CCNF: variants seen among roughly 807,000 people sequenced by gnomAD.
CCNF encodes the protein cyclin-F.
In CCNF, 30 loss-of-function variants were observed where a neutral mutation model predicts 85.4. The ratio of observed to expected loss-of-function variants is 0.35; its 90% CI spans 0.26 to 0.48. The LOEUF (loss-of-function observed/expected upper bound fraction) is 0.48, where lower values mean the gene tolerates loss of function less well. CCNF is among the 20% of genes least tolerant of loss of function. The pLI, the probability that CCNF is intolerant of heterozygous loss-of-function variation, is 0.99. For missense variants in CCNF, 919 were observed against 1,010.4 expected (o/e 0.91, Z 1.23); for synonymous variants, 439 against 425.1 (o/e 1.03, Z -0.40).
At position 2,453,536 on chromosome 16, in the gene CCNF, C is replaced by A; in HGVS notation, c.1714C>A (p.Arg572=). Residue 572 remains arginine (R), a splice_region_variant and synonymous_variant, in exon 15 of 17, where the codon CGG becomes AGG. Coordinates refer to ENST00000397066, the MANE Select transcript of CCNF (RefSeq NM_001761.3). The surrounding 1 kb of genome is among the most constrained non-coding windows in gnomAD (Gnocchi z 5.6). ...LSSPSGRRTK[R]KRENSLQEDR... ...CTCTCCCTCGGGGCGGAGAACCAAACGGTTAGTTACCCTGCGTTCTGGCTG... is the reference window on the plus strand; with the variant it reads ...CTCTCCCTCGGGGCGGAGAACCAAAAGGTTAGTTACCCTGCGTTCTGGCTG... 2 of 1,613,958 alleles carry A rather than the reference C, an allele frequency of 1.2e-6. No individual in the cohort carries two copies. The highest frequency in any genetic ancestry group is 1.3e-5 in the African/African-American group (1 of 75,058).
chr16:2,446,487 C>G (rs1429645032), intron 10 of CCNF, among the ~76,000 whole-genome samples: 1 of 152,254 alleles, frequency 6.6e-6, no homozygotes, highest in East Asian at 1.9e-4. Context: ...TTTCCTTTAA[C>G]TAATGCTGGA....
intron 6 of CCNF, 110 bp downstream of exon 6, chr16:2,438,233 C>A: frequency 1.2e-6 from 1 of 855,246 alleles, no homozygotes. Flanking sequence ...AAACAAAAGG[C>A]AAGCCTTGCC....
In CCNF at chr16:2,456,365, G is replaced by A. The variant is rs1354986280; in HGVS notation, c.1886-180G>A. On this transcript the variant is annotated intron_variant, in intron 16 of 16. Coordinates refer to ENST00000397066, the MANE Select transcript of CCNF (RefSeq NM_001761.3). This position sits in a 1 kb window ranked among gnomAD's most constrained non-coding sequence, Gnocchi z 4.5. The stretch of plus-strand genomic sequence containing the variant: ...TCTCCACATTTGTTGGAGTCATGGC[G>A]GGCAGCTGTCCAACTTGGAAGAGGC... 1.7e-5 allele frequency: 8 copies of A among 475,618 alleles called. No homozygotes were observed. Among genetic ancestry groups the A allele is most frequent in the African/African-American group, 5.9e-5 (3 of 51,040 alleles). 29.5% of individuals were successfully genotyped at this position (475,618 alleles called of 1,614,324 possible).
chr16:2,438,784 G>A (rs1034901805), intron 6 of CCNF, among the ~76,000 whole-genome samples: 2 of 151,440 alleles, frequency 1.3e-5, no homozygotes, highest in African/African-American at 4.9e-5. Flanking sequence ...ATCACCTGAG[G>A]TCAGGAGTTT....
intron 10 of CCNF, among the ~76,000 whole-genome samples, chr16:2,448,141 T>G (rs2065372382): frequency 6.6e-6 from 1 of 152,230 alleles, no homozygotes; most frequent in African/African-American, 2.4e-5. Flanking sequence ...GCACAGACTT[T>G]CCAACAACCC....
rs374120930 is a variant in CCNF at position 2,453,283 on chromosome 16, C to T, written c.1561C>T (p.Arg521Cys). ...TAVKQRFEDK[R>C]YGEISQEEVL... ...CGTGAAGCAGCGGTTTGAGGACAAG[C>T]GCTATGGAGAAATCAGCCAGGAAGA... The change falls in exon 14 of 17, where the codon CGC becomes TGC. Residue 521 changes from arginine to cysteine, a missense_variant. By Grantham distance (180) the Arg-to-Cys change is radical. Transcript: ENST00000397066. The surrounding 1 kb of genome is among the most constrained non-coding windows in gnomAD (Gnocchi z 5.6). 1.9e-5 allele frequency: 31 copies of T among 1,613,768 alleles called. No individual in the cohort carries two copies. In the African/African-American group the frequency reaches 2.0e-4, roughly 10 times the overall value.
intron 6 of CCNF, among the ~76,000 whole-genome samples, chr16:2,438,456 A>G (rs1165442761): frequency 2.0e-5 from 3 of 152,122 alleles, no homozygotes; most frequent in African/African-American, 7.2e-5. Flanking sequence ...CCTGGCCAAA[A>G]TGGTGAAACC....
chr16:2,435,170 G>T (rs2065281775), intron 3 of CCNF, among the ~76,000 whole-genome samples: 1 of 149,196 alleles, frequency 6.7e-6, no homozygotes, highest in African/African-American at 2.5e-5. Flanking sequence ...AGAATGGTGT[G>T]AACCTGGGAG....
At chr16:2,434,512 G>A (rs1008534009) in intron 3 of CCNF, among the ~76,000 whole-genome samples, 1 of 152,164 alleles carries the variant, frequency 6.6e-6, no homozygotes, top group African/African-American at 2.4e-5. Flanking sequence ...TCAGGAGGCT[G>A]AGGCAGGAGA....
At chr16:2,450,839 A>G (rs2065390934) in intron 13 of CCNF, among the ~76,000 whole-genome samples, 1 of 152,004 alleles carries the variant, frequency 6.6e-6, no homozygotes, top group Non-Finnish European at 1.5e-5. Context: ...CGTGGCCCCC[A>G]GTCAGGAAAA....
intron 15 of CCNF, among the ~76,000 whole-genome samples, chr16:2,454,984 C>T (rs1160759028): frequency 4.9e-5 from 7 of 142,354 alleles, no homozygotes; most frequent in East Asian, 2.2e-4. Flanking sequence ...CACTTGAACC[C>T]GGGAGGTGGA....
intron 15 of CCNF, 135 bp from the exon 16 acceptor site, chr16:2,455,260 C>T (rs2141832263): frequency 8.3e-7 from 1 of 1,205,808 alleles, no homozygotes; most frequent in Non-Finnish European, 1.1e-6. Context: ...TCACCGGCAT[C>T]TTCTTCGTAG....
intron 10 of CCNF, among the ~76,000 whole-genome samples, 185 bp from the exon 11 acceptor site, chr16:2,448,670 C>T (rs1367387634): frequency 3.3e-5 from 5 of 152,170 alleles, no homozygotes; most frequent in Non-Finnish European, 2.9e-5. Flanking sequence ...CCTGGGCCTC[C>T]CCTTTTTTAA....
chr16:2,444,678 C>T (rs1217431538), intron 9 of CCNF, among the ~76,000 whole-genome samples: 3 of 151,880 alleles, frequency 2.0e-5, no homozygotes, highest in Non-Finnish European at 1.5e-5. Context: ...CTCACTGCAG[C>T]CTCCGCCTCC....
At chr16:2,437,998 C>CA in intron 5 of CCNF, 72 bp from the exon 6 acceptor site, 3 of 1,029,170 alleles carry the variant, frequency 2.9e-6, no homozygotes, top group Non-Finnish European at 4.6e-6. Flanking sequence ...GACCCAAAGA[C>CA]AGACAAGGGA....
intron 4 of CCNF, 167 bp downstream of exon 4, chr16:2,436,040 G>C: frequency 1.9e-6 from 1 of 522,398 alleles, no homozygotes; most frequent in Non-Finnish European, 3.5e-6. Context: ...ACCCTGCTGA[G>C]GGACCTGCTA....
intron 5 of CCNF, 86 bp from the exon 6 acceptor site, chr16:2,437,984 A>G: frequency 1.2e-6 from 1 of 869,106 alleles, no homozygotes; most frequent in Non-Finnish European, 2.0e-6. Context: ...GGCCATGGGC[A>G]TGGGACCCAA....
At chr16:2,436,911 G>A (rs2141817300) in intron 4 of CCNF, 2 of 386,332 alleles carry the variant, frequency 5.2e-6, no homozygotes, top group African/African-American at 4.1e-5. Flanking sequence ...GACCACAGCA[G>A]GGGCATTGAT....
At position 2,452,334 on chromosome 16, in the gene CCNF, C is replaced by T. The variant is rs1596930521; in HGVS notation, c.1488-876C>T. ...CCGGGCTTTGGCATGTGCTGCTGCT[C>T]ATGCTGCTTTCTCCTGCAGTGCCCG... On this transcript the variant is annotated intron_variant, in intron 13 of 16. Transcript: ENST00000397066. The surrounding 1 kb of genome is among the most constrained non-coding windows in gnomAD (Gnocchi z 4.1). 1.3e-5 allele frequency among the ~76,000 whole-genome samples: 2 copies of T among 152,198 alleles called. No individual in the cohort carries two copies. Among genetic ancestry groups the T allele is most frequent in the South Asian group, 4.1e-4 (2 of 4,826 alleles).
Sources: gnomAD v4.1 joint callset for allele counts (sites outside exome capture counted in the v4.1 genomes callset) on GRCh38, gnomAD v4.1.1 for gene constraint, Gnocchi (gnomAD v3.1) non-coding constraint, MANE v1.5 for transcripts, NCBI Gene and HGNC (gene_info 2026-07-23, HGNC 2026-07-21) for gene names.